The following MBOAT2 variants were observed in gnomAD, a reference collection of about 807,000 sequenced individuals.
The protein encoded by MBOAT2 is membrane-bound glycerophospholipid O-acyltransferase 2.
In MBOAT2, 28 loss-of-function variants were observed where a neutral mutation model predicts 63.4. That is an observed-to-expected ratio of 0.44 (90% CI 0.33 to 0.61). The LOEUF is 0.61. Among genes scored for constraint, MBOAT2 ranks in the 20% least tolerant of loss-of-function variants. The pLI, the probability that MBOAT2 is intolerant of heterozygous loss-of-function variation, is 0.03. For missense variants in MBOAT2, 470 were observed against 605.8 expected (o/e 0.78, Z 2.35); for synonymous variants, 211 against 215.6 (o/e 0.98, Z 0.19).
intron 7 of MBOAT2, among the ~76,000 whole-genome samples, chr2:8,875,054 T>C (rs80160099): frequency 0.014 from 2,075 of 152,274 alleles, 29 homozygotes; most frequent in African/African-American, 0.032. Flanking sequence ...TTTTGGTCCT[T>C]GTTTCAGCAG....
intron 2 of MBOAT2, among the ~76,000 whole-genome samples, chr2:8,947,837 A>G (rs1211689818): frequency 2.0e-5 from 3 of 152,232 alleles, no homozygotes; most frequent in Non-Finnish European, 4.4e-5. Context: ...TTGTTTCCAC[A>G]CCTGCTAACA....
intron 5 of MBOAT2, among the ~76,000 whole-genome samples, chr2:8,887,266 A>G (rs1663625093): frequency 6.6e-6 from 1 of 151,932 alleles, no homozygotes. Context: ...CCTTCCCTCC[A>G]CCACCCCCTC....
intron 4 of MBOAT2, among the ~76,000 whole-genome samples, chr2:8,903,023 C>G (rs914714533): frequency 6.6e-6 from 1 of 152,260 alleles, no homozygotes; most frequent in South Asian, 2.1e-4. Flanking sequence ...GTTTACAATC[C>G]TTTAGGTAGA....
intron 3 of MBOAT2, among the ~76,000 whole-genome samples, chr2:8,925,584 G>A (rs1666876625): frequency 6.6e-6 from 1 of 152,214 alleles, no homozygotes. Context: ...CTGCAGACAG[G>A]AGAAAACGGT....
At chr2:8,928,113 T>C (rs1667060399) in intron 3 of MBOAT2, among the ~76,000 whole-genome samples, 1 of 152,078 alleles carries the variant, frequency 6.6e-6, no homozygotes, top group East Asian at 1.9e-4. Context: ...GAGAACAGTA[T>C]CAAAGGGACG....
chr2:8,888,873 A>G (rs958833574), intron 4 of MBOAT2, among the ~76,000 whole-genome samples: 11 of 152,208 alleles, frequency 7.2e-5, no homozygotes, highest in Admixed American at 2.0e-4. Context: ...ATAAAAATAA[A>G]TAAAATAAAA....
chr2:8,933,223 T>C (rs1278805904), intron 3 of MBOAT2, among the ~76,000 whole-genome samples: 1 of 152,232 alleles, frequency 6.6e-6, no homozygotes, highest in African/African-American at 2.4e-5. Flanking sequence ...TGCATCCTTG[T>C]ACTTTATCAT....
chr2:8,906,774 T>C (rs1036975403), intron 4 of MBOAT2, among the ~76,000 whole-genome samples: 4 of 152,260 alleles, frequency 2.6e-5, no homozygotes, highest in Non-Finnish European at 5.9e-5. Context: ...AAATCTATAG[T>C]AACACCAATC....
intron 3 of MBOAT2, among the ~76,000 whole-genome samples, chr2:8,909,269 T>G (rs1665540063): frequency 1.3e-5 from 2 of 152,074 alleles, no homozygotes; most frequent in Non-Finnish European, 2.9e-5. Context: ...AACTTATATA[T>G]CAACAGGAGA....
intron 1 of MBOAT2, among the ~76,000 whole-genome samples, chr2:8,961,960 C>A (rs1223356346): frequency 2.0e-5 from 3 of 152,104 alleles, no homozygotes; most frequent in Non-Finnish European, 4.4e-5. Context: ...GCCCAGCCTT[C>A]CTTCCTTCCC....
At chr2:8,860,231 G>T (rs1168901317) in intron 12 of MBOAT2, among the ~76,000 whole-genome samples, 4 of 152,138 alleles carry the variant, frequency 2.6e-5, no homozygotes, top group Admixed American at 2.0e-4. Flanking sequence ...TAAATAGCTG[G>T]TTTTTTCCCC....
At chr2:8,989,500 T>C (rs560872348) in intron 1 of MBOAT2, among the ~76,000 whole-genome samples, 5 of 152,320 alleles carry the variant, frequency 3.3e-5, no homozygotes, top group Admixed American at 3.3e-4. Context: ...GAAAGTGAAC[T>C]TTCAAGATAC....
At position 8,854,386 on chromosome 2, in the gene MBOAT2, A is replaced by G. The variant is rs1420015292; in HGVS notation, c.*4293T>C. 1 of 152,192 alleles carries G rather than the reference A, an allele frequency of 6.6e-6. No individual in the cohort carries two copies. Among genetic ancestry groups the G allele is most frequent in the Non-Finnish European group, 1.5e-5 (1 of 68,030 alleles). 9.4% of individuals were successfully genotyped at this position (152,192 alleles called of 1,614,324 possible). A position where few individuals can be genotyped will look rare whatever the true frequency, so the allele number is the denominator to read the frequency against. On this transcript the variant is annotated 3_prime_UTR_variant, in exon 13 of 13. Coordinates refer to ENST00000305997, the MANE Select transcript of MBOAT2 (RefSeq NM_138799.4). ...GTTAAATGCAGCAGTTTTATAAGGTATTGAGGGCAGTTAAGATTACATCTC... is the reference window on the plus strand; with the variant it reads ...GTTAAATGCAGCAGTTTTATAAGGTGTTGAGGGCAGTTAAGATTACATCTC...
chr2:8,917,993 G>A (rs376208572), intron 3 of MBOAT2, among the ~76,000 whole-genome samples: 9 of 152,316 alleles, frequency 5.9e-5, no homozygotes, highest in South Asian at 2.1e-4. Context: ...GTATGATTCC[G>A]TTGCTATGAA....
In MBOAT2 at chr2:8,957,754, C is replaced by G. The variant is rs181416869; in HGVS notation, c.221+743G>C. Among the ~76,000 whole-genome samples, 666 of 152,274 alleles carry G rather than the reference C, an allele frequency of 4.4e-3. 8 individuals are homozygous for G. Among genetic ancestry groups the G allele is most frequent in the African/African-American group, 0.015 (624 of 41,550 alleles). On this transcript the variant is annotated intron_variant, in intron 2 of 12. Transcript: ENST00000305997. ...GATGAGCATGCAGCACAAGTGCTCA[C>G]GTAAGAAAGCAAGCTCAGGAAGAGA...
intron 4 of MBOAT2, among the ~76,000 whole-genome samples, chr2:8,897,077 C>T (rs1476117839): frequency 1.3e-5 from 2 of 152,146 alleles, no homozygotes; most frequent in Non-Finnish European, 2.9e-5. Context: ...TTAAAATTTA[C>T]CCTGGCTTTT....
chr2:8,917,344 A>G (rs750225867), intron 3 of MBOAT2, among the ~76,000 whole-genome samples: 60 of 152,326 alleles, frequency 3.9e-4, no homozygotes, highest in Middle Eastern at 6.8e-3. Context: ...AAATTTTCAT[A>G]ATTTATCTAT....
intron 4 of MBOAT2, among the ~76,000 whole-genome samples, chr2:8,898,097 T>C (rs865879970): frequency 2.0e-5 from 3 of 152,244 alleles, no homozygotes; most frequent in African/African-American, 2.4e-5. Context: ...CCACTGTTTG[T>C]GGGGTTGTCC....
Position 8,975,303 on chromosome 2 carries a change from C to A in MBOAT2, c.76-16661G>T, listed in dbSNP as rs116773242. ...ACCTTTATTCATACTTTTTGGGATC[C>A]CAAAATACTTTTAAAGTAATTTCTG... On this transcript the variant is annotated intron_variant, in intron 1 of 12. Transcript: ENST00000305997. 5.0e-3 allele frequency among the ~76,000 whole-genome samples: 763 copies of A among 152,224 alleles called. 7 individuals are homozygous for A. The highest frequency in any genetic ancestry group is 0.017 in the African/African-American group (717 of 41,530).
Sources: allele counts gnomAD v4.1 joint callset (sites outside exome capture counted in the v4.1 genomes callset), GRCh38; gene constraint gnomAD v4.1.1; transcripts MANE v1.5; gene names NCBI Gene and HGNC (gene_info 2026-07-23, HGNC 2026-07-21).